LRRTM3: variants seen among roughly 807,000 people sequenced by gnomAD.
The protein encoded by LRRTM3 is leucine rich repeat transmembrane neuronal 3.
Under a neutral mutation model 44.7 loss-of-function variants are expected in LRRTM3, and 24 were observed. The ratio of observed to expected loss-of-function variants is 0.54; its 90% CI spans 0.39 to 0.76. The LOEUF (loss-of-function observed/expected upper bound fraction) is 0.76. LRRTM3 is among the 30% of genes least tolerant of loss of function. LRRTM3 has a pLI of 0.00. For synonymous variants in LRRTM3, 277 were observed against 278.7 expected (o/e 0.99, Z 0.06); for missense variants, 587 against 702.2 (o/e 0.84, Z 1.85).
chr10:67,007,747 T>C (rs1267510304), intron 2 of LRRTM3, among the ~76,000 whole-genome samples: 1 of 151,978 alleles, frequency 6.6e-6, no homozygotes, highest in East Asian at 1.9e-4. Context: ...ATACTGAATA[T>C]ATTAATAAAA....
In LRRTM3 at chr10:67,101,410, T is replaced by C. The variant is rs1354959119; in HGVS notation, c.*3614T>C. On this transcript the variant is annotated 3_prime_UTR_variant, in exon 3 of 3. Coordinates refer to ENST00000361320, the MANE Select transcript of LRRTM3 (RefSeq NM_178011.5). Reference sequence around the variant, plus strand: ...TTTGGCAAGATTTCTTCTTAAACCATGAAATTTTTTTTACTTGTAATAATA... The same window carrying C: ...TTTGGCAAGATTTCTTCTTAAACCACGAAATTTTTTTTACTTGTAATAATA... Among the ~76,000 whole-genome samples, 3 of 151,176 alleles carry C rather than the reference T, an allele frequency of 2.0e-5. No homozygotes were observed. Among genetic ancestry groups the C allele is most frequent in the Non-Finnish European group, 4.4e-5 (3 of 67,720 alleles).
chr10:67,011,105 G>A (rs1162915182), intron 2 of LRRTM3, among the ~76,000 whole-genome samples: 2 of 152,046 alleles, frequency 1.3e-5, no homozygotes, highest in African/African-American at 2.4e-5. Flanking sequence ...CAAGGCAGAC[G>A]GATCACGAAG....
At chr10:66,958,594 T>C (rs1848958078) in intron 2 of LRRTM3, among the ~76,000 whole-genome samples, 1 of 152,112 alleles carries the variant, frequency 6.6e-6, no homozygotes, top group Non-Finnish European at 1.5e-5. Context: ...ATCCTGCCAT[T>C]TTATTAAATA....
chr10:67,038,935 G>A (rs942787), intron 2 of LRRTM3, among the ~76,000 whole-genome samples: 130,377 of 151,988 alleles, frequency 0.86, 56,458 homozygotes, highest in Middle Eastern at 0.93. Context: ...TGTAGCATAT[G>A]TAAAAAATAG....
chr10:67,049,926 G>A (rs1854979704), intron 2 of LRRTM3, among the ~76,000 whole-genome samples: 2 of 152,236 alleles, frequency 1.3e-5, no homozygotes, highest in South Asian at 2.1e-4. Context: ...TTCACATTTA[G>A]AAATCCCTAA....
intron 2 of LRRTM3, among the ~76,000 whole-genome samples, chr10:66,967,343 T>G (rs57904273): frequency 0.042 from 6,349 of 150,898 alleles, 224 homozygotes; most frequent in African/African-American, 0.089. Context: ...CATATATATA[T>G]ATAGATAGAT....
rs563107693 is a variant in LRRTM3, at chr10:67,078,577, T to C, written c.1537-19010T>C. On this transcript the variant is annotated intron_variant, in intron 2 of 2. Coordinates refer to ENST00000361320, the MANE Select transcript of LRRTM3 (RefSeq NM_178011.5). The stretch of plus-strand genomic sequence containing the variant: ...TGTCGCCCAGGCTGGAGTGCAGTGG[T>C]GCAATCTCGGCTCACTGCAACCTCC... 5.9e-5 allele frequency among the ~76,000 whole-genome samples: 9 copies of C among 152,092 alleles called. No homozygotes were observed. The South Asian group carries it at 8.3e-4, about 14-fold the overall frequency.
chr10:67,074,034 CTTTTTTT>C (rs35411851), intron 2 of LRRTM3, among the ~76,000 whole-genome samples: 1 of 109,436 alleles, frequency 9.1e-6, no homozygotes, highest in Non-Finnish European at 1.8e-5. Flanking sequence ...CATTTTAACT[CTTTTTTT>C]TTTTTTTTTT....
intron 2 of LRRTM3, among the ~76,000 whole-genome samples, chr10:66,993,378 T>C (rs1363268155): frequency 6.6e-6 from 1 of 152,148 alleles, no homozygotes; most frequent in Non-Finnish European, 1.5e-5. Context: ...GAAGGTAAAG[T>C]AGACTGCACC....
At chr10:67,070,420 C>A (rs57557543) in intron 2 of LRRTM3, among the ~76,000 whole-genome samples, 2,967 of 151,990 alleles carry the variant, frequency 0.02, 70 homozygotes, top group East Asian at 0.12. Context: ...CAATCTCTCT[C>A]TATATATATA....
intron 2 of LRRTM3, among the ~76,000 whole-genome samples, chr10:67,040,154 T>A (rs558749825): frequency 6.6e-6 from 1 of 152,142 alleles, no homozygotes; most frequent in African/African-American, 2.4e-5. Flanking sequence ...AAAATGTGCA[T>A]GTTAAGTGAA....
At chr10:67,051,750 A>C (rs1855112414) in intron 2 of LRRTM3, among the ~76,000 whole-genome samples, 1 of 76,516 alleles carries the variant, frequency 1.3e-5, no homozygotes, top group South Asian at 5.4e-4. Context: ...ATTGTAGTCT[A>C]TCCTACAATT....
At chr10:66,946,651 A>G (rs551433277) in intron 2 of LRRTM3, among the ~76,000 whole-genome samples, 1 of 152,206 alleles carries the variant, frequency 6.6e-6, no homozygotes, top group Non-Finnish European at 1.5e-5. Context: ...TGTACTTTTG[A>G]GTCTCACTTA....
chr10:67,097,220 A>T (rs1858052214), intron 2 of LRRTM3, among the ~76,000 whole-genome samples: 2 of 151,914 alleles, frequency 1.3e-5, no homozygotes, highest in Admixed American at 1.3e-4. Flanking sequence ...TAATAGGATA[A>T]TTAACACTAA....
intron 2 of LRRTM3, among the ~76,000 whole-genome samples, chr10:67,013,472 G>T (rs1185659558): frequency 6.6e-6 from 1 of 152,126 alleles, no homozygotes; most frequent in African/African-American, 2.4e-5. Flanking sequence ...TCTCAGACAT[G>T]CAATGCTATT....
At chr10:66,998,857 C>A (rs1221125411) in intron 2 of LRRTM3, among the ~76,000 whole-genome samples, 1 of 152,016 alleles carries the variant, frequency 6.6e-6, no homozygotes, top group Non-Finnish European at 1.5e-5. Flanking sequence ...GAAGTTTGTT[C>A]CAATGGCTAT....
intron 2 of LRRTM3, among the ~76,000 whole-genome samples, chr10:67,013,564 T>C (rs1852471959): frequency 6.6e-6 from 1 of 152,168 alleles, no homozygotes; most frequent in Non-Finnish European, 1.5e-5. Context: ...GCAAACACAG[T>C]ACTCCTAAAA....
At chr10:67,070,488 C>A (rs2131845945) in intron 2 of LRRTM3, among the ~76,000 whole-genome samples, 2 of 152,092 alleles carry the variant, frequency 1.3e-5, no homozygotes, top group East Asian at 1.9e-4. Flanking sequence ...GTGTCTCGTG[C>A]CTGTAATCTC....
At chr10:66,999,853 T>C (rs1472770618) in intron 2 of LRRTM3, among the ~76,000 whole-genome samples, 1 of 152,208 alleles carries the variant, frequency 6.6e-6, no homozygotes, top group Non-Finnish European at 1.5e-5. Context: ...TCCTAAAATG[T>C]TTTCCTAATA....
Sources: gnomAD v4.1 joint callset for allele counts (sites outside exome capture counted in the v4.1 genomes callset) on GRCh38, gnomAD v4.1.1 for gene constraint, MANE v1.5 for transcripts, NCBI Gene and HGNC (gene_info 2026-07-23, HGNC 2026-07-21) for gene names.